DAG1: variants seen among roughly 807,000 people sequenced by gnomAD.
DAG1 encodes the protein dystroglycan 1 (dystrophin-associated glycoprotein 1).
DAG1 carries 8 observed loss-of-function variants against 46.1 expected under a neutral mutation model. That is an observed-to-expected ratio of 0.17 (90% CI 0.10 to 0.31). The LOEUF (loss-of-function observed/expected upper bound fraction) is 0.31. Among genes scored for constraint, DAG1 ranks in the 10% least tolerant of loss-of-function variants. The probability of loss-of-function intolerance (pLI) is 1.00; values close to 1 mark genes in which losing one functional copy is unlikely to be tolerated. For synonymous variants in DAG1, 495 were observed against 481.8 expected (o/e 1.03, Z -0.36); for missense variants, 1,003 against 1,189.9 (o/e 0.84, Z 2.31).
chr3:49,477,412 C>A (rs1390519757), intron 1 of DAG1, among the ~76,000 whole-genome samples: 1 of 152,192 alleles, frequency 6.6e-6, no homozygotes, highest in African/African-American at 2.4e-5. Context: ...CCACCTTGGC[C>A]TCCCATGTAG....
At chr3:49,486,896 T>G (rs1319363803) in intron 1 of DAG1, among the ~76,000 whole-genome samples, 1 of 152,138 alleles carries the variant, frequency 6.6e-6, no homozygotes, top group East Asian at 1.9e-4. Context: ...TGTTTTGTTT[T>G]GCTTTGTTTT....
At chr3:49,516,165 T>G (rs1025531372) in intron 2 of DAG1, among the ~76,000 whole-genome samples, 5 of 152,240 alleles carry the variant, frequency 3.3e-5, no homozygotes, top group Admixed American at 2.6e-4. Flanking sequence ...TAAAAGCAGC[T>G]TTCCCACAAA....
At chr3:49,471,601 C>G (rs549820309) in intron 1 of DAG1, among the ~76,000 whole-genome samples, 1 of 152,176 alleles carries the variant, frequency 6.6e-6, no homozygotes, top group East Asian at 1.9e-4. Flanking sequence ...TTGGAGAAAT[C>G]AGATTTCAGT....
chr3:49,532,440 C>T lies in DAG1; in HGVS notation c.1929C>T (p.Ser643=). 2 of 1,614,240 alleles carry T rather than the reference C, an allele frequency of 1.2e-6. No individual in the cohort carries two copies. Among genetic ancestry groups the T allele is most frequent in the Non-Finnish European group, 1.7e-6 (2 of 1,180,050 alleles). The change falls in exon 3 of 3, where the codon AGC becomes AGT. Residue 643 remains serine, a synonymous_variant. Transcript: ENST00000308775. The surrounding 1 kb of genome is among the most constrained non-coding windows in gnomAD (Gnocchi z 5.4). ...LAFAFGDRNC[S]TITLQNITRG... Reference sequence around the variant, plus strand: ...TCGCCTTTGGAGACCGAAACTGTAGCACCATCACCCTGCAGAATATCACCC... The same window carrying T: ...TCGCCTTTGGAGACCGAAACTGTAGTACCATCACCCTGCAGAATATCACCC...
At chr3:49,497,867 C>T (rs935344772) in intron 1 of DAG1, among the ~76,000 whole-genome samples, 1 of 152,090 alleles carries the variant, frequency 6.6e-6, no homozygotes, top group African/African-American at 2.4e-5. Context: ...GCTTTTCTTC[C>T]CTTTCCCTAG....
At chr3:49,488,111 TATC>T (rs2050086720) in intron 1 of DAG1, among the ~76,000 whole-genome samples, 1 of 152,138 alleles carries the variant, frequency 6.6e-6, no homozygotes, top group Non-Finnish European at 1.5e-5. Flanking sequence ...CCTCCTGTAT[TATC>T]ATTCTGGCTA....
chr3:49,479,563 C>A (rs1431086818), intron 1 of DAG1, among the ~76,000 whole-genome samples: 4 of 150,908 alleles, frequency 2.7e-5, no homozygotes. Flanking sequence ...CCGTCTTGAT[C>A]TCCCAAAGTG....
At chr3:49,518,625 C>T (rs2050954240) in intron 2 of DAG1, among the ~76,000 whole-genome samples, 1 of 152,232 alleles carries the variant, frequency 6.6e-6, no homozygotes. Flanking sequence ...CTGCCCCACA[C>T]CTGACACTCC....
chr3:49,533,006 C>T lies in DAG1; in HGVS notation c.2495C>T (p.Pro832Leu). 1.9e-6 allele frequency: 3 copies of T among 1,614,146 alleles called. No homozygotes were observed. Among genetic ancestry groups the T allele is most frequent in the Non-Finnish European group, 2.5e-6 (3 of 1,180,022 alleles). Residue 832 changes from proline (P) to leucine (L), a missense_variant, in exon 3 of 3, where the codon CCC (proline) becomes CTC (leucine). Physicochemically the swap from Pro to Leu is moderately conservative, Grantham distance 98 (BLOSUM62 -3). This residue lies in a region of DAG1 where 755 missense variants were observed against 854.1 expected (regional missense o/e 0.88). Transcript: ENST00000308775. ...EKAPLPPPEY[P>L]NQSVPETTPL... is the part of the protein sequence containing the mutation. ...GCTCCCCTACCCCCTCCTGAGTACC[C>T]CAACCAGAGTGTGCCCGAGACCACT...
chr3:49,490,120 G>T (rs745782113), intron 1 of DAG1, among the ~76,000 whole-genome samples: 14 of 152,094 alleles, frequency 9.2e-5, no homozygotes, highest in Non-Finnish European at 1.9e-4. Context: ...TTGGGAGGCC[G>T]AGGCAGACGG....
intron 2 of DAG1, among the ~76,000 whole-genome samples, chr3:49,513,732 G>C (rs963267981): frequency 4.6e-5 from 7 of 152,166 alleles, no homozygotes; most frequent in Non-Finnish European, 1.5e-5. Flanking sequence ...AGTTCACAGA[G>C]CTCTTCCTAG....
chr3:49,497,602 A>T (rs2050348545), intron 1 of DAG1, among the ~76,000 whole-genome samples: 1 of 152,136 alleles, frequency 6.6e-6, no homozygotes, highest in African/African-American at 2.4e-5. Flanking sequence ...ATAGATTGAG[A>T]GACTGTCTCT....
At chr3:49,520,646 G>A (rs1471966733) in intron 2 of DAG1, among the ~76,000 whole-genome samples, 1 of 152,230 alleles carries the variant, frequency 6.6e-6, no homozygotes, top group Non-Finnish European at 1.5e-5. Context: ...GAAGGGCCCA[G>A]CCCACACCTT....
In DAG1 at chr3:49,491,191, A is replaced by G. The variant is rs562113822; in HGVS notation, c.-116-19228A>G. ...CGCCTGGCATTTTTTTCTATTTTTA[A>G]TAGAGATGGGGTCCCACTATGTTGC... On this transcript the variant is annotated intron_variant, in intron 1 of 2. Coordinates refer to ENST00000308775, the MANE Select transcript of DAG1 (RefSeq NM_004393.6). 6.6e-5 allele frequency among the ~76,000 whole-genome samples: 10 copies of G among 150,544 alleles called. No individual in the cohort carries two copies. In the East Asian group the frequency reaches 1.6e-3, roughly 24 times the overall value.
chr3:49,473,477 G>A (rs951636316), intron 1 of DAG1, among the ~76,000 whole-genome samples: 2 of 152,028 alleles, frequency 1.3e-5, no homozygotes, highest in African/African-American at 4.8e-5. Flanking sequence ...CTTGAACCTG[G>A]GGTACTGCAT....
intron 2 of DAG1, among the ~76,000 whole-genome samples, chr3:49,523,226 G>T (rs2051083463): frequency 6.6e-6 from 1 of 152,134 alleles, no homozygotes; most frequent in African/African-American, 2.4e-5. Context: ...ATGTGTAAAT[G>T]TGCCAGGATC....
At chr3:49,492,218 C>T (rs2050208785) in intron 1 of DAG1, among the ~76,000 whole-genome samples, 1 of 152,224 alleles carries the variant, frequency 6.6e-6, no homozygotes, top group Admixed American at 6.5e-5. Context: ...AGCCACCGTA[C>T]CCCGCCTGGC....
Position 49,502,035 on chromosome 3 carries a change from G to A in DAG1, c.-116-8384G>A, listed in dbSNP as rs145859119. Among the ~76,000 whole-genome samples, 13 of 152,312 alleles carry A rather than the reference G, an allele frequency of 8.5e-5. No individual in the cohort carries two copies. The East Asian group carries it at 1.9e-3, about 23-fold the overall frequency. ...AACAAAATTTACAAATTAGCCTGGTGTGGTGGCGCACACCTGTAGTTCCAG... is the reference window on the plus strand; with the variant it reads ...AACAAAATTTACAAATTAGCCTGGTATGGTGGCGCACACCTGTAGTTCCAG... On this transcript the variant is annotated intron_variant, in intron 1 of 2. Coordinates refer to ENST00000308775, the MANE Select transcript of DAG1 (RefSeq NM_004393.6).
rs770282350 is a variant in DAG1, at chr3:49,532,269, G to T, written c.1758G>T (p.Ser586=). 6.2e-7 allele frequency: 1 copy of T among 1,614,004 alleles called. No individual in the cohort carries two copies. Among genetic ancestry groups the T allele is most frequent in the Admixed American group, 1.7e-5 (1 of 60,024 alleles). The change falls in exon 3 of 3, where the codon TCG becomes TCT. Residue 586 remains serine, a synonymous_variant. Coordinates refer to ENST00000308775, the MANE Select transcript of DAG1 (RefSeq NM_004393.6). The surrounding 1 kb of genome is among the most constrained non-coding windows in gnomAD (Gnocchi z 5.4). The part of the protein sequence containing the change: ...FMHATDKGGL[S]AVDAFEIHVH... ...ATGCCACAGACAAGGGGGGCCTGTC[G>T]GCTGTGGATGCCTTCGAGATCCACG...
Sources: allele counts gnomAD v4.1 joint callset (sites outside exome capture counted in the v4.1 genomes callset), GRCh38; gene constraint gnomAD v4.1.1; regional missense constraint gnomAD v4.1.1; non-coding constraint Gnocchi (gnomAD v3.1); transcripts MANE v1.5; gene names NCBI Gene and HGNC (gene_info 2026-07-23, HGNC 2026-07-21).